Variants in LRRC4C observed in about 807,000 individuals in gnomAD.
LRRC4C encodes leucine rich repeat containing 4C.
LRRC4C carries 5 observed loss-of-function variants against 33.6 expected under a neutral mutation model. That is an observed-to-expected ratio of 0.15 (90% confidence interval 0.08 to 0.31). The LOEUF (loss-of-function observed/expected upper bound fraction) is 0.31, where lower values mean the gene tolerates loss of function less well. LRRC4C is among the 10% of genes least tolerant of loss of function. The pLI is 1.00. For synonymous variants in LRRC4C, 329 were observed against 302.0 expected (o/e 1.09, Z -0.93); for missense variants, 560 against 796.7 (o/e 0.70, Z 3.58).
Position 40,278,514 on chromosome 11 carries a change from G to T in LRRC4C, c.-175-36916C>A, listed in dbSNP as rs566550350. Among the ~76,000 whole-genome samples, 19 of 152,268 alleles carry T rather than the reference G, an allele frequency of 1.2e-4. No homozygotes were observed. In the South Asian group the frequency reaches 3.9e-3, roughly 32 times the overall value. On this transcript the variant is annotated intron_variant, in intron 4 of 6. Transcript: ENST00000528697. ...TTTCTTCATTTCCGAAAAAGGACTT[G>T]TAAATTCTCTTTCAAAAACAAAGAT...
intron 1 of LRRC4C, among the ~76,000 whole-genome samples, chr11:41,450,201 C>T (rs758323196): frequency 2.8e-4 from 42 of 152,022 alleles, no homozygotes; most frequent in Middle Eastern, 3.4e-3. Flanking sequence ...TCTGTCTGTC[C>T]GACAGACCAT....
intron 1 of LRRC4C, among the ~76,000 whole-genome samples, chr11:41,219,039 G>C (rs895167318): frequency 2.0e-5 from 3 of 152,032 alleles, no homozygotes; most frequent in African/African-American, 7.2e-5. Flanking sequence ...CCAAAGTGCT[G>C]GGATTACAGG....
chr11:40,854,407 C>T (rs1208490732), intron 2 of LRRC4C, among the ~76,000 whole-genome samples: 1 of 152,134 alleles, frequency 6.6e-6, no homozygotes, highest in African/African-American at 2.4e-5. Context: ...GTGGAAACTG[C>T]TATTAATCTG....
chr11:41,045,770 G>A (rs116766340), intron 1 of LRRC4C, among the ~76,000 whole-genome samples: 4,088 of 152,070 alleles, frequency 0.027, 209 homozygotes, highest in African/African-American at 0.094. Flanking sequence ...TCCTATCTCA[G>A]TGAGAGGTGA....
chr11:40,553,087 G>A (rs1272036286), intron 3 of LRRC4C, among the ~76,000 whole-genome samples: 2 of 151,946 alleles, frequency 1.3e-5, no homozygotes, highest in South Asian at 2.1e-4. Context: ...CCTGGCCTAC[G>A]TGGCAAAACC....
At chr11:41,420,081 A>G (rs1954823508) in intron 1 of LRRC4C, among the ~76,000 whole-genome samples, 1 of 151,946 alleles carries the variant, frequency 6.6e-6, no homozygotes, top group South Asian at 2.1e-4. Flanking sequence ...ACAGAGCAGT[A>G]CTGAATTTCT....
At chr11:41,291,304 G>C (rs1199497658) in intron 1 of LRRC4C, among the ~76,000 whole-genome samples, 2 of 151,998 alleles carry the variant, frequency 1.3e-5, no homozygotes, top group African/African-American at 4.8e-5. Context: ...GGACACTCAG[G>C]GGTAATAAAT....
intron 2 of LRRC4C, among the ~76,000 whole-genome samples, chr11:40,913,132 G>C (rs1041373307): frequency 2.0e-5 from 3 of 152,128 alleles, no homozygotes; most frequent in Non-Finnish European, 4.4e-5. Context: ...ACATTAGACA[G>C]ATCAATGAGA....
intron 3 of LRRC4C, among the ~76,000 whole-genome samples, chr11:40,634,996 T>TA (rs144142545): frequency 0.16 from 23,000 of 147,836 alleles, 1,798 homozygotes; most frequent in Non-Finnish European, 0.18. Context: ...TTAGGAAATT[T>TA]AAAAAAAAAA....
intron 1 of LRRC4C, among the ~76,000 whole-genome samples, chr11:40,948,537 T>G (rs1240414330): frequency 8.5e-6 from 1 of 118,258 alleles, no homozygotes; most frequent in Non-Finnish European, 1.7e-5. Context: ...CCCACAACAG[T>G]CCCCAGAGTG....
chr11:40,395,555 T>C (rs897517695), intron 3 of LRRC4C, among the ~76,000 whole-genome samples: 6 of 152,056 alleles, frequency 3.9e-5, no homozygotes, highest in Non-Finnish European at 5.9e-5. Flanking sequence ...TGTTCTGGAG[T>C]TTTAACAAGT....
intron 1 of LRRC4C, among the ~76,000 whole-genome samples, chr11:41,447,893 T>C (rs1241659430): frequency 6.6e-6 from 1 of 152,196 alleles, no homozygotes; most frequent in African/African-American, 2.4e-5. Context: ...AGCCTCACCT[T>C]TGTAGAGGTA....
chr11:40,194,777 A>C (rs886944381), intron 5 of LRRC4C, among the ~76,000 whole-genome samples: 6 of 152,168 alleles, frequency 3.9e-5, no homozygotes, highest in Non-Finnish European at 1.5e-5. Context: ...AATAACAAAA[A>C]ATCTATAGAT....
chr11:41,429,744 G>A (rs1238729190), intron 1 of LRRC4C, among the ~76,000 whole-genome samples: 2 of 152,090 alleles, frequency 1.3e-5, no homozygotes, highest in African/African-American at 4.8e-5. Flanking sequence ...CAAAGAAATT[G>A]CAGTGGTGTA....
In LRRC4C at chr11:41,197,634, TC is replaced by T. The variant is rs1356975243; in HGVS notation, c.-496+261796del. ...CTCCAGAGACAGATGGAATTTTTTT[TC>T]ATTGACATTAGATACTTCCTTCTGC... On this transcript the variant is annotated intron_variant, in intron 1 of 6. Transcript: ENST00000528697. Among the ~76,000 whole-genome samples, 8 of 152,138 alleles carry T rather than the reference TC, an allele frequency of 5.3e-5. No individual in the cohort carries two copies. In the East Asian group the frequency reaches 1.2e-3, roughly 22 times the overall value.
chr11:40,604,855 G>A (rs1960401830), intron 3 of LRRC4C, among the ~76,000 whole-genome samples: 1 of 152,008 alleles, frequency 6.6e-6, no homozygotes, highest in Non-Finnish European at 1.5e-5. Context: ...ATAAAGACAA[G>A]CAGCATAAGG....
At chr11:40,198,474 A>C (rs1053659064) in intron 5 of LRRC4C, among the ~76,000 whole-genome samples, 2 of 152,222 alleles carry the variant, frequency 1.3e-5, no homozygotes, top group Admixed American at 6.5e-5. Context: ...TATAATATCA[A>C]TGCAAATATT....
chr11:40,743,126 G>C (rs1049643891), intron 2 of LRRC4C, among the ~76,000 whole-genome samples: 1 of 151,912 alleles, frequency 6.6e-6, no homozygotes, highest in African/African-American at 2.4e-5. Context: ...GTATGAAAAT[G>C]GTACATTAGG....
chr11:40,257,712 T>C (rs1188851127), intron 4 of LRRC4C, among the ~76,000 whole-genome samples: 2 of 152,192 alleles, frequency 1.3e-5, no homozygotes, highest in African/African-American at 4.8e-5. Flanking sequence ...AGATAAACTC[T>C]TTTTACTTGG....
Sources: gnomAD v4.1 joint callset for allele counts (sites outside exome capture counted in the v4.1 genomes callset) on GRCh38, gnomAD v4.1.1 for gene constraint, MANE v1.5 for transcripts, NCBI Gene and HGNC (gene_info 2026-07-23, HGNC 2026-07-21) for gene names.